Variants in C8orf34 observed in about 807,000 individuals in gnomAD.
C8orf34 encodes the protein chromosome 8 open reading frame 34.
C8orf34 carries 65 observed loss-of-function variants against 68.3 expected under a neutral mutation model. The ratio of observed to expected loss-of-function variants is 0.95; its 90% CI spans 0.78 to 1.17. The LOEUF is 1.17. C8orf34 is among the 50% of genes most tolerant of loss of function. The pLI is 0.00. For missense variants in C8orf34, 664 were observed against 655.4 expected (o/e 1.01, Z -0.14); for synonymous variants, 244 against 241.2 (o/e 1.01, Z -0.11).
Position 68,721,470 on chromosome 8 carries a change from T to G in C8orf34, c.1404+33T>G. On this transcript the variant is annotated intron_variant, in intron 10 of 13. Transcript: ENST00000518698. ...TATTCATTGACTTATTTTTTTTAAT[T>G]GCTAAAACTAATTTAAATTACTAGT... The G allele has an allele frequency of 2.9e-6, 4 of 1,378,310 alleles. 1 individual carries two copies. In the South Asian group the frequency reaches 4.9e-5, roughly 17 times the overall value. 85.4% of individuals were successfully genotyped at this position (1,378,310 alleles called of 1,614,324 possible). A position where few individuals can be genotyped will look rare whatever the true frequency, so the allele number is the denominator to read the frequency against.
intron 3 of C8orf34, among the ~76,000 whole-genome samples, chr8:68,448,322 C>A (rs1586160680): frequency 6.6e-6 from 1 of 151,602 alleles, no homozygotes; most frequent in South Asian, 2.1e-4. Context: ...CTTTTTAAAG[C>A]AAAAATAATA....
intron 8 of C8orf34, among the ~76,000 whole-genome samples, chr8:68,674,328 GGA>G (rs531970076): frequency 2.6e-5 from 4 of 151,842 alleles, no homozygotes; most frequent in Non-Finnish European, 5.9e-5. Context: ...GAGCAATCTT[GGA>G]GAGAGAGAGA....
At chr8:68,376,697 A>T (rs1360767296) in intron 1 of C8orf34, among the ~76,000 whole-genome samples, 1 of 151,826 alleles carries the variant, frequency 6.6e-6, no homozygotes, top group Admixed American at 6.6e-5. Flanking sequence ...AACAAAACAA[A>T]GTTTTGTTTT....
intron 10 of C8orf34, among the ~76,000 whole-genome samples, chr8:68,754,428 C>G (rs1328344966): frequency 6.6e-6 from 1 of 152,152 alleles, no homozygotes; most frequent in African/African-American, 2.4e-5. Context: ...CATAACATTC[C>G]TTTTCGATGT....
intron 1 of C8orf34, among the ~76,000 whole-genome samples, chr8:68,420,167 G>A (rs1241265401): frequency 2.6e-5 from 4 of 151,472 alleles, no homozygotes; most frequent in African/African-American, 7.3e-5. Context: ...AGAGACCACC[G>A]AGAGGCAAAG....
chr8:68,790,864 TC>T, intron 12 of C8orf34: 1 of 702,122 alleles, frequency 1.4e-6, no homozygotes, highest in East Asian at 2.7e-5. Flanking sequence ...TCTGCATTTT[TC>T]ATACTTTGGT....
chr8:68,439,914 A>G (rs1258688077), intron 2 of C8orf34, among the ~76,000 whole-genome samples: 2 of 152,230 alleles, frequency 1.3e-5, no homozygotes, highest in Non-Finnish European at 2.9e-5. Flanking sequence ...TTTATCCTGT[A>G]TAAATTCAGA....
chr8:68,390,233 G>T (rs551093341), intron 1 of C8orf34, among the ~76,000 whole-genome samples: 8 of 152,102 alleles, frequency 5.3e-5, no homozygotes, highest in Non-Finnish European at 8.8e-5. Flanking sequence ...CTGTGCCCTG[G>T]ACAGCCCCTT....
chr8:68,727,168 G>C (rs538645017), intron 10 of C8orf34, among the ~76,000 whole-genome samples: 2 of 152,244 alleles, frequency 1.3e-5, no homozygotes, highest in South Asian at 4.1e-4. Context: ...GGTAAATACA[G>C]CTATTCCAAA....
In C8orf34 at chr8:68,688,116, G is replaced by T. The variant is rs146661366; in HGVS notation, c.1242-20878G>T. On this transcript the variant is annotated intron_variant, in intron 8 of 13. Coordinates refer to ENST00000518698, the MANE Select transcript of C8orf34 (RefSeq NM_052958.4). Reference sequence around the variant, plus strand: ...CTGCAAGAATGGCCATATTTAAAAAGTCAAAAAACAATAGATGTTGGCATG... The same window carrying T: ...CTGCAAGAATGGCCATATTTAAAAATTCAAAAAACAATAGATGTTGGCATG... Among the ~76,000 whole-genome samples, 692 of 152,018 alleles carry T rather than the reference G, an allele frequency of 4.6e-3. 4 individuals are homozygous for T. Among genetic ancestry groups the T allele is most frequent in the African/African-American group, 0.016 (656 of 41,484 alleles).
intron 8 of C8orf34, among the ~76,000 whole-genome samples, chr8:68,678,305 A>G (rs1010968505): frequency 3.3e-5 from 5 of 152,154 alleles, no homozygotes; most frequent in African/African-American, 1.2e-4. Context: ...CTATACACCA[A>G]TATCTCTGAT....
Position 68,754,987 on chromosome 8 carries a change from C to A in C8orf34, c.1405-21412C>A, listed in dbSNP as rs990788833. On this transcript the variant is annotated intron_variant, in intron 10 of 13. Coordinates refer to ENST00000518698, the MANE Select transcript of C8orf34 (RefSeq NM_052958.4). ...TATTCAAAAGCTTAGAAATATTTAG[C>A]CTTGTAGGAAATTTCTGGACACTAC... Among the ~76,000 whole-genome samples the A allele has an allele frequency of 4.4e-4, 67 of 152,034 alleles. 4 individuals are homozygous for A. The highest frequency in any genetic ancestry group is 1.5e-5 in the Non-Finnish European group (1 of 68,010).
At chr8:68,579,624 G>T (rs75187836) in intron 7 of C8orf34, among the ~76,000 whole-genome samples, 1 of 152,016 alleles carries the variant, frequency 6.6e-6, no homozygotes, top group African/African-American at 2.4e-5. Flanking sequence ...TTCCAAGTGC[G>T]CTCTGCAGAT....
intron 1 of C8orf34, among the ~76,000 whole-genome samples, chr8:68,422,861 C>T (rs1197951128): frequency 6.6e-6 from 1 of 152,158 alleles, no homozygotes; most frequent in African/African-American, 2.4e-5. Context: ...TTCTGTGCAC[C>T]TACAGGCTCA....
At chr8:68,633,632 T>G (rs61526711) in intron 7 of C8orf34, among the ~76,000 whole-genome samples, 1 of 152,216 alleles carries the variant, frequency 6.6e-6, no homozygotes, top group Non-Finnish European at 1.5e-5. Context: ...CCAAATTTCT[T>G]CTTAACAAAC....
At chr8:68,530,671 C>A in intron 6 of C8orf34, 3 of 1,117,408 alleles carry the variant, frequency 2.7e-6, no homozygotes, top group Non-Finnish European at 1.1e-6. Flanking sequence ...TTCTTCCTTC[C>A]ATTTTCAAGT....
chr8:68,530,704 C>A, intron 6 of C8orf34: 3 of 780,594 alleles, frequency 3.8e-6, no homozygotes, highest in Non-Finnish European at 5.1e-6. Context: ...TTTATTTCCA[C>A]TATTAAAGAG....
chr8:68,464,880 A>C (rs570774954), intron 3 of C8orf34, among the ~76,000 whole-genome samples: 3 of 152,222 alleles, frequency 2.0e-5, no homozygotes, highest in South Asian at 4.1e-4. Flanking sequence ...CATTCAGGAC[A>C]TAGGCATGTG....
At chr8:68,748,903 C>G (rs1427185365) in intron 10 of C8orf34, among the ~76,000 whole-genome samples, 1 of 152,170 alleles carries the variant, frequency 6.6e-6, no homozygotes, top group Non-Finnish European at 1.5e-5. Context: ...ACCCAAAGGA[C>G]TGTAAATCAT....
Sources: allele counts gnomAD v4.1 joint callset (sites outside exome capture counted in the v4.1 genomes callset), GRCh38; gene constraint gnomAD v4.1.1; transcripts MANE v1.5; gene names NCBI Gene and HGNC (gene_info 2026-07-23, HGNC 2026-07-21).